Variants in IL6R observed in about 807,000 individuals in gnomAD.
IL6R encodes the protein interleukin-6 receptor subunit alpha.
A neutral mutation model predicts 48.3 loss-of-function variants in IL6R; 38 were observed. The observed-to-expected ratio is 0.79, with a 90% confidence interval of 0.61 to 1.03. IL6R has a LOEUF of 1.03. Among genes scored for constraint, IL6R ranks in the 50% least tolerant of loss-of-function variants. The probability of loss-of-function intolerance (pLI) is 0.00; values close to 1 mark genes in which losing one functional copy is unlikely to be tolerated. For synonymous variants in IL6R, 264 were observed against 256.2 expected, an observed-to-expected ratio of 1.03 and a Z score of -0.29; for missense variants, 534 against 618.3, an observed-to-expected ratio of 0.86 and a Z score of 1.45.
chr1:154,436,506 G>A lies in IL6R; in HGVS notation c.949+396G>A, dbSNP rs111666581. 4.2e-3 allele frequency among the ~76,000 whole-genome samples: 637 copies of A among 152,256 alleles called. 8 individuals carry two copies. Among genetic ancestry groups the A allele is most frequent in the African/African-American group, 0.014 (591 of 41,566 alleles). On this transcript the variant is annotated intron_variant, in intron 6 of 9. Transcript: ENST00000368485. ...AACAAACAACTAGTGGCTTAAAAAC[G>A]ACCATCATTTATCGGCTTGAAATTT... is the stretch of plus-strand genomic sequence containing the variant.
At chr1:154,410,816 C>T (rs1321111940) in intron 1 of IL6R, among the ~76,000 whole-genome samples, 3 of 152,216 alleles carry the variant, frequency 2.0e-5, no homozygotes, top group Non-Finnish European at 2.9e-5. Flanking sequence ...GTTCCCACTC[C>T]ACTTCCCAAC....
chr1:154,448,668 A>G (rs1244707274), intron 7 of IL6R, among the ~76,000 whole-genome samples: 1 of 152,072 alleles, frequency 6.6e-6, no homozygotes, highest in Non-Finnish European at 1.5e-5. Context: ...ACAGGGAAGG[A>G]GCCTGGGGCT....
rs1690990841 is a variant in IL6R at position 154,457,967 on chromosome 1, C to CTTTTCTTT, written c.1160+3390_1160+3391insCTTTTTTT. Among the ~76,000 whole-genome samples, 3 of 91,698 alleles carry CTTTTCTTT rather than the reference C, an allele frequency of 3.3e-5. 1 individual carries two copies. The highest frequency in any genetic ancestry group is 1.4e-4 in the Admixed American group (1 of 6,926). The allele number at this position is 91,698 out of a possible 152,430, so 60.2% of individuals were successfully genotyped here. A position where few individuals can be genotyped will look rare whatever the true frequency, so the allele number is the denominator to read the frequency against. On this transcript the variant is annotated intron_variant, in intron 9 of 9. Transcript: ENST00000368485. ...TTTTTTTCTTTTTCTTTTTCTTTTT[C>CTTTTCTTT]TTTTTTTTTTTTTTTTTGAGACGGA...
intron 3 of IL6R, among the ~76,000 whole-genome samples, chr1:154,431,282 C>T (rs577877699): frequency 6.6e-6 from 1 of 152,118 alleles, no homozygotes; most frequent in Non-Finnish European, 1.5e-5. Context: ...AAATCTGCCT[C>T]TGCAGTTTTG....
At position 154,405,900 on chromosome 1, in the gene IL6R, C is replaced by T. The variant is rs1021541346; in HGVS notation, c.85+186C>T. Among the ~76,000 whole-genome samples the T allele has an allele frequency of 6.6e-6, 1 of 152,158 alleles. No homozygotes were observed. Among genetic ancestry groups the T allele is most frequent in the African/African-American group, 2.4e-5 (1 of 41,434 alleles). ...TCGCGGGTAGTGGCTCTTGCGCCCC[C>T]TGCTGCGCTTGCTCCCTTGGTCCGG... On this transcript the variant is annotated intron_variant, in intron 1 of 9. Transcript: ENST00000368485. The surrounding 1 kb of genome is among the most constrained non-coding windows in gnomAD (Gnocchi z 5.2).
At chr1:154,451,933 C>T (rs1196704461) in intron 8 of IL6R, among the ~76,000 whole-genome samples, 1 of 152,210 alleles carries the variant, frequency 6.6e-6, no homozygotes, top group Non-Finnish European at 1.5e-5. Flanking sequence ...ATCTCAGTAA[C>T]TGGTACCGCA....
intron 1 of IL6R, among the ~76,000 whole-genome samples, chr1:154,427,702 G>T (rs989658172): frequency 3.9e-5 from 6 of 152,202 alleles, no homozygotes; most frequent in African/African-American, 1.4e-4. Flanking sequence ...TCTGTCCCTG[G>T]ACTGTGGCCA....
intron 9 of IL6R, among the ~76,000 whole-genome samples, chr1:154,458,681 AC>A (rs1474548817): frequency 5.3e-5 from 8 of 152,166 alleles, no homozygotes; most frequent in African/African-American, 1.4e-4. Flanking sequence ...CAAGTGGATC[AC>A]CTGAGGTCAG....
chr1:154,412,863 GA>G (rs928373551), intron 1 of IL6R, among the ~76,000 whole-genome samples: 1 of 151,962 alleles, frequency 6.6e-6, no homozygotes, highest in African/African-American at 2.4e-5. Context: ...GATAGGGTTG[GA>G]ACTTGGGTAT....
In IL6R at chr1:154,435,060, C is replaced by G; in HGVS notation, c.711C>G (p.Thr237=). 3 of 1,614,152 alleles carry G rather than the reference C, an allele frequency of 1.9e-6. No individual in the cohort carries two copies. The highest frequency in any genetic ancestry group is 2.5e-6 in the Non-Finnish European group (3 of 1,179,984). Reference sequence around the variant, plus strand: ...GAAACCCCCGCTGGCTCAGTGTCACCTGGCAAGACCCCCACTCCTGGAACT... The same window carrying G: ...GAAACCCCCGCTGGCTCAGTGTCACGTGGCAAGACCCCCACTCCTGGAACT... ...VARNPRWLSV[T]WQDPHSWNSS... is the part of the protein sequence containing the mutation. Residue 237 remains threonine (T), a synonymous_variant, in exon 5 of 10, where the codon ACC becomes ACG. Transcript: ENST00000368485.
At chr1:154,412,416 C>T (rs185533504) in intron 1 of IL6R, among the ~76,000 whole-genome samples, 48 of 152,102 alleles carry the variant, frequency 3.2e-4, no homozygotes, top group South Asian at 4.1e-4. Flanking sequence ...CCACCACACC[C>T]GGCTAATTTT....
chr1:154,418,515 G>A, intron 1 of IL6R: 1 of 594,144 alleles, frequency 1.7e-6, no homozygotes, highest in Non-Finnish European at 2.1e-6. Flanking sequence ...GGGCCTGCCA[G>A]CCAAAGCTAG....
At chr1:154,412,574 G>A (rs1688090368) in intron 1 of IL6R, among the ~76,000 whole-genome samples, 2 of 152,184 alleles carry the variant, frequency 1.3e-5, no homozygotes, top group South Asian at 4.1e-4. Context: ...AGCCTATTTT[G>A]ATGGGAGGAG....
intron 3 of IL6R, among the ~76,000 whole-genome samples, chr1:154,432,087 G>GA (rs1689325415): frequency 1.3e-5 from 2 of 152,192 alleles, no homozygotes; most frequent in African/African-American, 4.8e-5. Flanking sequence ...TGTTTCCATA[G>GA]AGTTACTGGG....
chr1:154,415,975 T>A (rs566732398), intron 1 of IL6R, among the ~76,000 whole-genome samples: 24 of 152,080 alleles, frequency 1.6e-4, no homozygotes, highest in African/African-American at 5.3e-4. Context: ...CAAAAAAAAA[T>A]AAAATAAAAT....
At chr1:154,448,232 C>A in intron 7 of IL6R, 61 bp downstream of exon 7, 3 of 1,382,474 alleles carry the variant, frequency 2.2e-6, no homozygotes, top group Non-Finnish European at 3.1e-6. Flanking sequence ...GGAGTGTGGG[C>A]TGATGCCAGA....
chr1:154,449,870 A>T, intron 7 of IL6R, 41 bp from the exon 8 acceptor site: 1 of 1,326,404 alleles, frequency 7.5e-7, no homozygotes, highest in East Asian at 2.3e-5. Context: ...TGATGGTGCA[A>T]TCTGCAGAAA....
intron 6 of IL6R, chr1:154,437,626 G>A (rs957419259): frequency 3.9e-6 from 1 of 253,780 alleles, no homozygotes; most frequent in South Asian, 3.4e-5. Context: ...TGCCCAGGCT[G>A]GTCTCGAACT....
intron 1 of IL6R, among the ~76,000 whole-genome samples, chr1:154,407,090 G>C (rs1188259602): frequency 6.6e-6 from 1 of 152,182 alleles, no homozygotes; most frequent in Non-Finnish European, 1.5e-5. Context: ...GCAGAGCTGG[G>C]GGCATTGGGG....
Sources: gnomAD v4.1 joint callset for allele counts (sites outside exome capture counted in the v4.1 genomes callset) on GRCh38, gnomAD v4.1.1 for gene constraint, Gnocchi (gnomAD v3.1) non-coding constraint, MANE v1.5 for transcripts, NCBI Gene and HGNC (gene_info 2026-07-23, HGNC 2026-07-21) for gene names.